Variants in MED24 observed in about 807,000 individuals in gnomAD.
The protein encoded by MED24 is mediator complex subunit 24, also known as mediator of RNA polymerase II transcription subunit 24.
A neutral mutation model predicts 118.8 loss-of-function variants in MED24; 74 were observed. That is an observed-to-expected ratio of 0.62 (90% confidence interval 0.52 to 0.76). The LOEUF (loss-of-function observed/expected upper bound fraction) is 0.76, where lower values mean the gene tolerates loss of function less well. Ranked by LOEUF, MED24 falls within the 30% of genes least tolerant of loss-of-function variation. The pLI is 0.00. For missense variants in MED24, 1,041 were observed against 1,278.9 expected (o/e 0.81, Z 2.84); for synonymous variants, 521 against 523.9 (o/e 0.99, Z 0.08).
At chr17:40,038,665 C>T (rs1191587078) in intron 3 of MED24, among the ~76,000 whole-genome samples, 3 of 150,040 alleles carry the variant, frequency 2.0e-5, no homozygotes, top group African/African-American at 7.4e-5. Flanking sequence ...GAGCCAAGAT[C>T]GCACCACTGC....
chr17:40,019,856 T>G lies in MED24; in HGVS notation c.2782A>C (p.Met928Leu), dbSNP rs372662529. 8.2e-6 allele frequency: 13 copies of G among 1,594,990 alleles called. No individual in the cohort carries two copies. The highest frequency in any genetic ancestry group is 1.6e-4 in the Middle Eastern group (1 of 6,064). The change falls in exon 25 of 26, where the codon ATG becomes CTG. Residue 928 changes from methionine (M) to leucine (L), a missense_variant. This residue lies in a region of MED24 where 587 missense variants were observed against 694.4 expected (regional missense o/e 0.85). Coordinates refer to ENST00000394128, the MANE Select transcript of MED24 (RefSeq NM_014815.4). ...TCCAGGCAGTCCACACACTCCTCCA[T>G]GAACCACTGCACGAACTGGGTGTGG... ...GPHTQFVQWFMEECVDCLEQG... is the reference protein window; with the variant it reads ...GPHTQFVQWFLEECVDCLEQG...
chr17:40,027,358 C>G, intron 16 of MED24, 25 bp downstream of exon 16: 3 of 1,605,054 alleles, frequency 1.9e-6, no homozygotes, highest in Non-Finnish European at 2.6e-6. Flanking sequence ...CTTGAGCCCC[C>G]GTCCCGGTCG....
Position 40,022,050 on chromosome 17 carries a change from T to C in MED24, c.2528A>G (p.Tyr843Cys), listed in dbSNP as rs1393484283. 2 of 1,605,754 alleles carry C rather than the reference T, an allele frequency of 1.2e-6. No homozygotes were observed. The highest frequency in any genetic ancestry group is 1.7e-6 in the Non-Finnish European group (2 of 1,175,410). ...KKRHREDIED[Y>C]ISLFPLDDVQ... ...ATCGTCCAGGGGGAAGAGGCTGATATAATCCTAGAGGGAGTGAAAGTCACT... is the reference window on the plus strand; with the variant it reads ...ATCGTCCAGGGGGAAGAGGCTGATACAATCCTAGAGGGAGTGAAAGTCACT... The change falls in exon 23 of 26, where the codon TAT becomes TGT. Residue 843 changes from tyrosine (Y) to cysteine (C), a missense_variant. Transcript: ENST00000394128.
At position 40,033,770 on chromosome 17, in the gene MED24, G is replaced by C. The variant is rs1413904570; in HGVS notation, c.560-314C>G. ...AGGCAGAGGGAGGCCAGAATCCAGT[G>C]GCTGGAACAGGGAGGGCGGCCACAA... is the stretch of plus-strand genomic sequence containing the variant. On this transcript the variant is annotated intron_variant, in intron 6 of 25. Coordinates refer to ENST00000394128, the MANE Select transcript of MED24 (RefSeq NM_014815.4). This position sits in a 1 kb window ranked among gnomAD's most constrained non-coding sequence, Gnocchi z 5.2. The C allele has an allele frequency of 2.1e-5, 11 of 524,322 alleles. No homozygotes were observed. Among genetic ancestry groups the C allele is most frequent in the Non-Finnish European group, 3.3e-5 (9 of 272,050 alleles). The allele number at this position is 524,322 out of a possible 1,614,324, so 32.5% of individuals were successfully genotyped here.
Position 40,020,740 on chromosome 17 carries a change from C to T in MED24, c.2624-387G>A, listed in dbSNP as rs561203066. On this transcript the variant is annotated intron_variant, in intron 23 of 25. Transcript: ENST00000394128. ...AAGGCTGCAGTGAGCCGAGATGGTG[C>T]CACTGCACTCCAGCCTGAGCAACAG... 45 of 345,200 alleles carry T rather than the reference C, an allele frequency of 1.3e-4. 2 individuals carry two copies. Among genetic ancestry groups the T allele is most frequent in the South Asian group, 7.9e-4 (36 of 45,630 alleles). The allele number at this position is 345,200 out of a possible 1,614,324, so 21.4% of individuals were successfully genotyped here.
intron 3 of MED24, among the ~76,000 whole-genome samples, chr17:40,046,761 G>C (rs898893931): frequency 6.8e-6 from 1 of 147,814 alleles, no homozygotes; most frequent in African/African-American, 2.6e-5. Context: ...AAAACAAGAA[G>C]AAGAAGAATG....
In MED24 at chr17:40,036,111, C is replaced by A; in HGVS notation, c.252+5G>T. The A allele has an allele frequency of 1.9e-6, 3 of 1,611,308 alleles. No homozygotes were observed. In the South Asian group the frequency reaches 3.3e-5, roughly 18 times the overall value. ...AATCTAGCTCCTGAGTGTCTATGGT[C>A]ATACCTTACTGATGGCTGTGAGGAC... On this transcript the variant is annotated splice_donor_5th_base_variant and intron_variant, in intron 4 of 25. Coordinates refer to ENST00000394128, the MANE Select transcript of MED24 (RefSeq NM_014815.4).
Position 40,019,171 on chromosome 17 carries a change from CACAA to C in MED24, c.*354_*357del, listed in dbSNP as rs1463911677. 6.6e-5 allele frequency: 11 copies of C among 166,872 alleles called. No individual in the cohort carries two copies. The highest frequency in any genetic ancestry group is 9.9e-5 in the African/African-American group (3 of 30,276). The allele number at this position is 166,872 out of a possible 1,614,324, so 10.3% of individuals were successfully genotyped here. Reference sequence around the variant, plus strand: ...TTTCCCTCACATATTACAAAATACACACAAACACACACACACACACACACACACA... The same window carrying C: ...TTTCCCTCACATATTACAAAATACACACACACACACACACACACACACACA... On this transcript the variant is annotated 3_prime_UTR_variant, in exon 26 of 26. Transcript: ENST00000394128.
At chr17:40,042,817 T>A (rs1411531907) in intron 3 of MED24, among the ~76,000 whole-genome samples, 1 of 152,256 alleles carries the variant, frequency 6.6e-6, no homozygotes, top group African/African-American at 2.4e-5. Flanking sequence ...ATCCATCTAT[T>A]TGAACAAATA....
chr17:40,028,188 T>C, intron 14 of MED24: 1 of 439,634 alleles, frequency 2.3e-6, no homozygotes, highest in Non-Finnish European at 4.2e-6. Context: ...CAATCTCAGC[T>C]CACTGCAACC....
Position 40,027,023 on chromosome 17 carries a change from G to C in MED24, c.1542C>G (p.Ser514=), listed in dbSNP as rs1982738861. The C allele has an allele frequency of 6.2e-7, 1 of 1,613,996 alleles. No individual in the cohort carries two copies. The highest frequency in any genetic ancestry group is 1.1e-5 in the South Asian group (1 of 91,076). Residue 514 remains serine, a synonymous_variant, in exon 17 of 26, where the codon TCC becomes TCG. Transcript: ENST00000394128. ...GCACCTCAGCTCCTGTGCGCGACTC[G>C]GACAGAATCACCTGGGAAAGGGGAA... ...AQTYGSEVIL[S]ESRTGAEVPF...
At chr17:40,036,841 T>C (rs1207415329) in intron 3 of MED24, among the ~76,000 whole-genome samples, 1 of 152,078 alleles carries the variant, frequency 6.6e-6, no homozygotes, top group Admixed American at 6.6e-5. Context: ...GGGTAAGAAC[T>C]AGAGACAAAC....
Position 40,035,336 on chromosome 17 carries a change from C to T in MED24, c.340G>A (p.Ala114Thr), listed in dbSNP as rs773751927. 1.4e-5 allele frequency: 22 copies of T among 1,588,496 alleles called. No homozygotes were observed. The highest frequency in any genetic ancestry group is 1.7e-4 in the Middle Eastern group (1 of 5,936). The change falls in exon 6 of 26, where the codon GCA becomes ACA. Residue 114 changes from alanine to threonine, a missense_variant. Ala to Thr is a moderately conservative substitution (Grantham distance 58). This residue lies in a region of MED24 where 434 missense variants were observed against 514.9 expected (regional missense o/e 0.84). Transcript: ENST00000394128. ...FCDRLSCHGKAEECIGLCRAL... is the reference protein window; with the variant it reads ...FCDRLSCHGKTEECIGLCRAL... ...CGGCACAGTCCGATGCATTCCTCTGCTTTGCCGTGACAGCTACAGGGAAGG... is the reference window on the plus strand; with the variant it reads ...CGGCACAGTCCGATGCATTCCTCTGTTTTGCCGTGACAGCTACAGGGAAGG...
At chr17:40,051,397 C>T (rs1404529277) in intron 3 of MED24, among the ~76,000 whole-genome samples, 3 of 151,884 alleles carry the variant, frequency 2.0e-5, no homozygotes, top group African/African-American at 4.8e-5. Context: ...GGAAGGATCA[C>T]GAGGTCAAGA....
At position 40,039,908 on chromosome 17, in the gene MED24, C is replaced by T. The variant is rs368366238; in HGVS notation, c.214-3754G>A. On this transcript the variant is annotated intron_variant, in intron 3 of 25. Transcript: ENST00000394128. Reference sequence around the variant, plus strand: ...ACACCATTCTCCTGCCTCAGCCTCCCGAGTAGCTGGGACTACAGGCACCCA... The same window carrying T: ...ACACCATTCTCCTGCCTCAGCCTCCTGAGTAGCTGGGACTACAGGCACCCA... Among the ~76,000 whole-genome samples the T allele has an allele frequency of 9.0e-3, 1,365 of 151,594 alleles. 15 individuals carry two copies. Among genetic ancestry groups the T allele is most frequent in the African/African-American group, 0.032 (1,303 of 41,272 alleles).
At chr17:40,023,593 T>A (rs1392771681) in intron 19 of MED24, 198 bp from the exon 20 acceptor site, 7 of 557,274 alleles carry the variant, frequency 1.3e-5, no homozygotes, top group Non-Finnish European at 2.2e-5. Flanking sequence ...GTCTCTCACC[T>A]GCAGGACACA....
In MED24 at chr17:40,031,147, G is replaced by A. The variant is rs780530282; in HGVS notation, c.1154+12C>T. On this transcript the variant is annotated intron_variant, in intron 12 of 25. Coordinates refer to ENST00000394128, the MANE Select transcript of MED24 (RefSeq NM_014815.4). ...GGGGCTCTTGGGGTAGCACAGGTGCGTTCACACTTACCGCTTAGCCATAAG... is the reference window on the plus strand; with the variant it reads ...GGGGCTCTTGGGGTAGCACAGGTGCATTCACACTTACCGCTTAGCCATAAG... 46 of 1,556,684 alleles carry A rather than the reference G, an allele frequency of 3.0e-5. No homozygotes were observed. The highest frequency in any genetic ancestry group is 3.6e-5 in the Non-Finnish European group (41 of 1,149,052).
Position 40,019,591 on chromosome 17 carries a change from T to C in MED24, c.2908A>G (p.Ile970Val). The C allele has an allele frequency of 8.7e-6, 14 of 1,611,546 alleles. No individual in the cohort carries two copies. The highest frequency in any genetic ancestry group is 1.1e-5 in the Non-Finnish European group (13 of 1,178,652). ...AMSSPKVVLA[I>V]TDLSLPLGRQ... ...CCCAGGGGCAGGCTGAGGTCCGTGATGGCCAGAACCACCTTGGGGCTGGAC... is the reference window on the plus strand; with the variant it reads ...CCCAGGGGCAGGCTGAGGTCCGTGACGGCCAGAACCACCTTGGGGCTGGAC... Residue 970 changes from isoleucine (I) to valine (V), a missense_variant, in exon 26 of 26, where the codon ATC (isoleucine) becomes GTC (valine). Ile to Val is a conservative substitution (Grantham distance 29). Coordinates refer to ENST00000394128, the MANE Select transcript of MED24 (RefSeq NM_014815.4).
Position 40,020,339 on chromosome 17 carries a change from T to C in MED24, c.2638A>G (p.Ser880Gly). Residue 880 changes from serine to glycine, a missense_variant, in exon 24 of 26, where the codon AGC becomes GGC. Ser to Gly is a moderately conservative substitution (Grantham distance 56). Coordinates refer to ENST00000394128, the MANE Select transcript of MED24 (RefSeq NM_014815.4). The part of the protein sequence containing the change: ...ILSSPTDRSM[S>G]SSLSASQLHT... ...AGCTGAGAGGCTGAGAGGGAGCTGC[T>C]CATGGATCGGTCTGCTGTGGGACGG... The C allele has an allele frequency of 6.3e-7, 1 of 1,598,612 alleles. No homozygotes were observed. The highest frequency in any genetic ancestry group is 8.5e-7 in the Non-Finnish European group (1 of 1,172,644).
Sources: gnomAD v4.1 joint callset for allele counts (sites outside exome capture counted in the v4.1 genomes callset) on GRCh38, gnomAD v4.1.1 for gene constraint, gnomAD v4.1.1 regional missense constraint, Gnocchi (gnomAD v3.1) non-coding constraint, MANE v1.5 for transcripts, NCBI Gene and HGNC (gene_info 2026-07-23, HGNC 2026-07-21) for gene names.